Variants in PCDHGA6 observed in about 807,000 individuals in gnomAD.
PCDHGA6 encodes the protein protocadherin gamma subfamily A, 6.
In PCDHGA6, 41 loss-of-function variants were observed where a neutral mutation model predicts 60.6. The ratio of observed to expected loss-of-function variants is 0.68; its 90% confidence interval spans 0.53 to 0.88. PCDHGA6 has a LOEUF of 0.88. PCDHGA6 is among the 40% of genes least tolerant of loss of function. The pLI is 0.00. For missense variants in PCDHGA6, 1,312 were observed against 1,203.0 expected, an observed-to-expected ratio of 1.09 and a Z score of -1.34; for synonymous variants, 594 against 524.4, an observed-to-expected ratio of 1.13 and a Z score of -1.81.
At chr5:141,393,447 C>T (rs753693736) in intron 1 of PCDHGA6, 3 of 1,614,052 alleles carry the variant, frequency 1.9e-6, no homozygotes, top group East Asian at 4.5e-5. Context: ...CCACCTGGTC[C>T]TCACGGCCTC....
At chr5:141,428,551 G>A (rs1192248816) in intron 1 of PCDHGA6, 1 of 254,070 alleles carries the variant, frequency 3.9e-6, no homozygotes, top group Non-Finnish European at 7.8e-6. Flanking sequence ...ACCAGAAACA[G>A]TCCCCCCACA....
intron 1 of PCDHGA6, chr5:141,440,247 T>C (rs1158469276): frequency 1.3e-5 from 2 of 152,296 alleles, no homozygotes; most frequent in Non-Finnish European, 2.9e-5. Context: ...GGCGAGCAGA[T>C]TACGAGGTCA....
At chr5:141,408,313 T>A (rs375849626) in intron 1 of PCDHGA6, 28 of 1,613,640 alleles carry the variant, frequency 1.7e-5, no homozygotes, top group Non-Finnish European at 2.0e-5. Flanking sequence ...GCTACTCGAT[T>A]CCGGAGGAGC....
intron 1 of PCDHGA6, chr5:141,413,266 GGA>G: frequency 6.2e-7 from 1 of 1,613,962 alleles, no homozygotes; most frequent in South Asian, 1.1e-5. Context: ...ATGGGAGGCT[GGA>G]GCCCGGCAGA....
Position 141,510,956 on chromosome 5 carries a change from A to T in PCDHGA6, c.2582A>T (p.Asp861Val). 1 of 1,614,104 alleles carries T rather than the reference A, an allele frequency of 6.2e-7. No homozygotes were observed. The highest frequency in any genetic ancestry group is 8.5e-7 in the Non-Finnish European group (1 of 1,179,996). The change falls in exon 4 of 4, where the codon GAT becomes GTT. Residue 861 changes from aspartate to valine, a missense_variant. Asp to Val is a radical substitution (Grantham distance 152). Transcript: ENST00000517434. ...MILASASEAA[D>V]GSSTLGGGAG... ...TCCTCTGTCTCTGCAGAAGCTGCTG[A>T]TGGGAGCTCCACCCTGGGAGGGGGT...
chr5:141,476,078 C>G lies in PCDHGA6; in HGVS notation c.2425-18729C>G. On this transcript the variant is annotated intron_variant, in intron 1 of 3. Transcript: ENST00000517434. The surrounding 1 kb of genome is among the most constrained non-coding windows in gnomAD (Gnocchi z 7.6). ...AAGTTTCTCAGCGAAATCTCAGGGA[C>G]GATCTGGACCCCGCTGAGAGGAACT... is the stretch of plus-strand genomic sequence containing the variant. 1 of 1,528,034 alleles carries G rather than the reference C, an allele frequency of 6.5e-7. No homozygotes were observed. 94.7% of individuals were successfully genotyped at this position (1,528,034 alleles called of 1,614,324 possible).
intron 1 of PCDHGA6, chr5:141,427,241 T>C (rs1381559575): frequency 4.4e-6 from 2 of 456,696 alleles, no homozygotes; most frequent in Admixed American, 2.3e-5. Flanking sequence ...GAGTAGAAGC[T>C]AAGGATGGTG....
rs755169934 is a variant in PCDHGA6 at position 141,384,350 on chromosome 5, A to T, written c.2424+7843A>T. On this transcript the variant is annotated intron_variant, in intron 1 of 3. Coordinates refer to ENST00000517434, the MANE Select transcript of PCDHGA6 (RefSeq NM_018919.3). Reference sequence around the variant, plus strand: ...GCACAGGACCACGACAGTGAGGATAATGCCCAGATCACTTATTCCTTGGCC... The same window carrying T: ...GCACAGGACCACGACAGTGAGGATATTGCCCAGATCACTTATTCCTTGGCC... The T allele has an allele frequency of 1.9e-6, 3 of 1,613,690 alleles. No homozygotes were observed. In the African/African-American group the frequency reaches 4.0e-5, roughly 22 times the overall value.
chr5:141,415,194 C>T (rs1252476580), intron 1 of PCDHGA6: 2 of 1,614,064 alleles, frequency 1.2e-6, no homozygotes, highest in Non-Finnish European at 1.7e-6. Context: ...ACAGCATCCC[C>T]CAAGTCCTGG....
intron 1 of PCDHGA6, chr5:141,392,442 A>C (rs1355396676): frequency 1.2e-5 from 2 of 161,844 alleles, no homozygotes; most frequent in East Asian, 3.6e-4. Context: ...TGTTTCTTTT[A>C]AAATATGGGT....
intron 2 of PCDHGA6, among the ~76,000 whole-genome samples, chr5:141,500,020 T>A (rs905529317): frequency 6.6e-6 from 1 of 151,918 alleles, no homozygotes; most frequent in Non-Finnish European, 1.5e-5. Flanking sequence ...ACATTTTATA[T>A]TTGAGTGAGT....
intron 1 of PCDHGA6, among the ~76,000 whole-genome samples, chr5:141,472,267 C>T (rs547832378): frequency 6.6e-5 from 10 of 152,216 alleles, no homozygotes; most frequent in African/African-American, 2.4e-4. Context: ...TATAGCCGGG[C>T]ACAGTGGCTC....
At chr5:141,417,621 A>G in intron 1 of PCDHGA6, 1 of 662,852 alleles carries the variant, frequency 1.5e-6, no homozygotes, top group Non-Finnish European at 2.4e-6. Context: ...GTGCAGAGCA[A>G]GCGCTGACGC....
intron 1 of PCDHGA6, chr5:141,427,308 G>A (rs2097014480): frequency 2.2e-6 from 1 of 456,846 alleles, no homozygotes; most frequent in Non-Finnish European, 4.4e-6. Flanking sequence ...GAATGACAAT[G>A]CCCCAGACGT....
Position 141,510,977 on chromosome 5 carries a change from G to T in PCDHGA6, c.2603G>T (p.Gly868Val). 1.2e-6 allele frequency: 2 copies of T among 1,614,170 alleles called. No individual in the cohort carries two copies. Among genetic ancestry groups the T allele is most frequent in the Non-Finnish European group, 1.7e-6 (2 of 1,180,020 alleles). The change falls in exon 4 of 4, where the codon GGG becomes GTG. Residue 868 changes from glycine to valine, a missense_variant. Physicochemically the swap from Gly to Val is moderately radical, Grantham distance 109. Transcript: ENST00000517434. ...GCTGATGGGAGCTCCACCCTGGGAG[G>T]GGGTGCCGGCACCATGGGATTGAGC... ...EAADGSSTLG[G>V]GAGTMGLSAR...
intron 1 of PCDHGA6, chr5:141,399,680 A>T: frequency 6.2e-7 from 1 of 1,613,514 alleles, no homozygotes; most frequent in Non-Finnish European, 8.5e-7. Context: ...GCCTTTGACT[A>T]CGAGCAGCTG....
Position 141,432,949 on chromosome 5 carries a change from C to T in PCDHGA6, c.2424+56442C>T. 1.2e-6 allele frequency: 2 copies of T among 1,614,184 alleles called. No homozygotes were observed. Among genetic ancestry groups the T allele is most frequent in the Non-Finnish European group, 1.7e-6 (2 of 1,180,040 alleles). On this transcript the variant is annotated intron_variant, in intron 1 of 3. Coordinates refer to ENST00000517434, the MANE Select transcript of PCDHGA6 (RefSeq NM_018919.3). This position sits in a 1 kb window ranked among gnomAD's most constrained non-coding sequence, Gnocchi z 6.0. Reference sequence around the variant, plus strand: ...CACGCCTGCTGCAGGCTTCAGGAGGCGGCTTGACAGGAGCGCCGGCGTCGC... The same window carrying T: ...CACGCCTGCTGCAGGCTTCAGGAGGTGGCTTGACAGGAGCGCCGGCGTCGC...
intron 1 of PCDHGA6, among the ~76,000 whole-genome samples, chr5:141,438,296 A>G (rs902991313): frequency 6.6e-6 from 1 of 152,034 alleles, no homozygotes; most frequent in Non-Finnish European, 1.5e-5. Context: ...CTGTATGTAA[A>G]AGAAGTTGGT....
chr5:141,458,386 G>T (rs1037969327), intron 1 of PCDHGA6, among the ~76,000 whole-genome samples: 2 of 152,070 alleles, frequency 1.3e-5, no homozygotes, highest in African/African-American at 2.4e-5. Flanking sequence ...GAAGGAAGAC[G>T]CTCCCCCTTG....
Sources: allele counts gnomAD v4.1 joint callset (sites outside exome capture counted in the v4.1 genomes callset), GRCh38; gene constraint gnomAD v4.1.1; non-coding constraint Gnocchi (gnomAD v3.1); transcripts MANE v1.5; gene names NCBI Gene and HGNC (gene_info 2026-07-23, HGNC 2026-07-21).